The following OTOP1 variants were observed in gnomAD, a reference collection of about 807,000 sequenced individuals.
The protein encoded by OTOP1 is proton channel OTOP1.
In OTOP1, 59 loss-of-function variants were observed where a neutral mutation model predicts 52.9. The observed-to-expected ratio is 1.12, with a 90% CI of 0.91 to 1.39. The LOEUF is 1.39. Among genes scored for constraint, OTOP1 ranks in the 40% most tolerant of loss-of-function variants. The pLI is 0.00. For synonymous variants in OTOP1, 317 were observed against 337.7 expected (o/e 0.94, Z 0.67); for missense variants, 761 against 800.9 (o/e 0.95, Z 0.60).
At chr4:4,200,238 G>C (rs1422006587) in intron 4 of OTOP1, among the ~76,000 whole-genome samples, 1 of 152,142 alleles carries the variant, frequency 6.6e-6, no homozygotes, top group Non-Finnish European at 1.5e-5. Context: ...GCTCACGCCT[G>C]TAATCCCAGC....
At chr4:4,214,574 G>A (rs1219461260) in intron 1 of OTOP1, among the ~76,000 whole-genome samples, 1 of 152,160 alleles carries the variant, frequency 6.6e-6, no homozygotes, top group Non-Finnish European at 1.5e-5. Context: ...CAGATGGATA[G>A]GTAAACACAA....
At chr4:4,203,295 T>C (rs929129146) in intron 3 of OTOP1, among the ~76,000 whole-genome samples, 2 of 152,260 alleles carry the variant, frequency 1.3e-5, no homozygotes, top group Non-Finnish European at 2.9e-5. Flanking sequence ...GACAGCCAGC[T>C]TGGGCTACAG....
At chr4:4,224,371 G>C (rs1217659310) in intron 1 of OTOP1, among the ~76,000 whole-genome samples, 1 of 150,278 alleles carries the variant, frequency 6.7e-6, no homozygotes, top group African/African-American at 2.5e-5. Context: ...AAGAAGGAAA[G>C]GCAGAGAGGA....
chr4:4,197,160 GA>G lies in OTOP1; in HGVS notation c.1668+5del. On this transcript the variant is annotated splice_donor_5th_base_variant and intron_variant, in intron 5 of 5. Transcript: ENST00000296358. Reference sequence around the variant, plus strand: ...AAAAGAATAAGAATAACTTGGTGCAGATTACCGAAATATTGCAGAGGAACAA... The same window carrying G: ...AAAAGAATAAGAATAACTTGGTGCAGTTACCGAAATATTGCAGAGGAACAA... 1 of 1,594,372 alleles carries G rather than the reference GA, an allele frequency of 6.3e-7. No individual in the cohort carries two copies. Among genetic ancestry groups the G allele is most frequent in the Non-Finnish European group, 8.6e-7 (1 of 1,168,836 alleles).
intron 3 of OTOP1, among the ~76,000 whole-genome samples, chr4:4,205,093 G>A (rs1716870550): frequency 1.3e-5 from 2 of 151,974 alleles, no homozygotes; most frequent in African/African-American, 4.8e-5. Context: ...TTTCTTACAC[G>A]GTAACAACAC....
rs372743072 is a variant in OTOP1 at position 4,194,509 on chromosome 4, G to A, written c.1668+2657C>T. 3.4e-3 allele frequency among the ~76,000 whole-genome samples: 516 copies of A among 152,338 alleles called. 5 individuals are homozygous for A. Among genetic ancestry groups the A allele is most frequent in the Non-Finnish European group, 3.7e-3 (252 of 68,034 alleles). Reference sequence around the variant, plus strand: ...ACTGCCTAGCAAACTGAAGGAAGCCGGGTGATCCAAGGTTAGAGTGGACCA... The same window carrying A: ...ACTGCCTAGCAAACTGAAGGAAGCCAGGTGATCCAAGGTTAGAGTGGACCA... On this transcript the variant is annotated intron_variant, in intron 5 of 5. Coordinates refer to ENST00000296358, the MANE Select transcript of OTOP1 (RefSeq NM_177998.3).
At chr4:4,193,640 C>T (rs554626585) in intron 5 of OTOP1, among the ~76,000 whole-genome samples, 2 of 152,274 alleles carry the variant, frequency 1.3e-5, no homozygotes, top group East Asian at 3.9e-4. Flanking sequence ...CTTCAATCCC[C>T]CAGAACCCAA....
At chr4:4,207,471 C>CT (rs1372686280) in intron 2 of OTOP1, among the ~76,000 whole-genome samples, 4 of 151,980 alleles carry the variant, frequency 2.6e-5, no homozygotes, top group Non-Finnish European at 5.9e-5. Context: ...AGTTGATTTC[C>CT]TTACAGGTGC....
At chr4:4,201,930 A>T (rs1012027193) in intron 4 of OTOP1, among the ~76,000 whole-genome samples, 1 of 152,204 alleles carries the variant, frequency 6.6e-6, no homozygotes, top group African/African-American at 2.4e-5. Flanking sequence ...TTAACCCAAC[A>T]GGCTTTCAAA....
intron 1 of OTOP1, among the ~76,000 whole-genome samples, chr4:4,213,972 C>T (rs1717081848): frequency 1.3e-5 from 2 of 152,118 alleles, no homozygotes; most frequent in Admixed American, 1.3e-4. Flanking sequence ...TGCCTATAAT[C>T]CCAGCTACTT....
chr4:4,192,336 C>G (rs1347058677), intron 5 of OTOP1, among the ~76,000 whole-genome samples: 4 of 152,136 alleles, frequency 2.6e-5, no homozygotes, highest in Non-Finnish European at 5.9e-5. Flanking sequence ...GAACTTCTGC[C>G]CAAGGCTTCA....
rs143728864 is a variant in OTOP1 at position 4,217,225 on chromosome 4, T to C, written c.404-4221A>G. Among the ~76,000 whole-genome samples, 937 of 152,344 alleles carry C rather than the reference T, an allele frequency of 6.2e-3. 9 individuals are homozygous for C. The highest frequency in any genetic ancestry group is 9.1e-3 in the Non-Finnish European group (619 of 68,034). Reference sequence around the variant, plus strand: ...ATATCTTGGGGACTCCTACTATGCATGAGGCATTGTGTCAAGGGCTCAAAG... The same window carrying C: ...ATATCTTGGGGACTCCTACTATGCACGAGGCATTGTGTCAAGGGCTCAAAG... On this transcript the variant is annotated intron_variant, in intron 1 of 5. Coordinates refer to ENST00000296358, the MANE Select transcript of OTOP1 (RefSeq NM_177998.3).
chr4:4,203,617 C>G (rs1438600614), intron 3 of OTOP1, among the ~76,000 whole-genome samples: 2 of 152,202 alleles, frequency 1.3e-5, no homozygotes, highest in Non-Finnish European at 2.9e-5. Context: ...CCCATAGGGT[C>G]ACTGATTTCT....
In OTOP1 at chr4:4,198,026, G is replaced by T; in HGVS notation, c.808C>A (p.Leu270Ile). Residue 270 changes from leucine (L) to isoleucine (I), a missense_variant, in exon 5 of 6, where the codon CTC becomes ATC. Transcript: ENST00000296358. ...TGATACTCTATGTTGAAGGGGTAGA[G>T]GTAGTAGATCCCGTGGGAGATGGCA... ...CTAISHGIYY[L>I]YPFNIEYQIL... 6.2e-7 allele frequency: 1 copy of T among 1,614,116 alleles called. No homozygotes were observed. The highest frequency in any genetic ancestry group is 8.5e-7 in the Non-Finnish European group (1 of 1,179,976).
chr4:4,220,467 G>C (rs959774956), intron 1 of OTOP1, among the ~76,000 whole-genome samples: 1 of 152,184 alleles, frequency 6.6e-6, no homozygotes, highest in Admixed American at 6.5e-5. Flanking sequence ...GCAGAGGCCA[G>C]CTGCCCATTT....
At chr4:4,217,334 A>T (rs1392308905) in intron 1 of OTOP1, among the ~76,000 whole-genome samples, 1 of 152,252 alleles carries the variant, frequency 6.6e-6, no homozygotes, top group African/African-American at 2.4e-5. Context: ...TATCAGAGAG[A>T]TGAGCTGGCA....
rs1253406185 is a variant in OTOP1, at chr4:4,226,763, C to A, written c.102G>T (p.Ser34=). ...GPAACSPPSS[S]APRSPESPAP... ...CCGGGGATTCCGGGGACCTCGGGGC[C>A]GAGGACGAGGGAGGCGAGCAGGCCG... Residue 34 remains serine (S), a synonymous_variant, in exon 1 of 6, where the codon TCG becomes TCT. Coordinates refer to ENST00000296358, the MANE Select transcript of OTOP1 (RefSeq NM_177998.3). 4 of 1,383,732 alleles carry A rather than the reference C, an allele frequency of 2.9e-6. No individual in the cohort carries two copies. The highest frequency in any genetic ancestry group is 6.1e-5 in the East Asian group (2 of 32,600). The allele number at this position is 1,383,732 out of a possible 1,614,324, so 85.7% of individuals were successfully genotyped here. A position where few individuals can be genotyped will look rare whatever the true frequency, so the allele number is the denominator to read the frequency against.
chr4:4,197,941 C>A lies in OTOP1; in HGVS notation c.893G>T (p.Ser298Ile). The A allele has an allele frequency of 6.2e-7, 1 of 1,614,062 alleles. No homozygotes were observed. The change falls in exon 5 of 6, where the codon AGC becomes ATC. Residue 298 changes from serine (S) to isoleucine (I), a missense_variant. Coordinates refer to ENST00000296358, the MANE Select transcript of OTOP1 (RefSeq NM_177998.3). The stretch of plus-strand genomic sequence containing the variant: ...GAACTGCATCTTCTGGTGCTGATGG[C>A]TGTCAACTTTGCGCCCGATGTTCTT... ...LWKNIGRKVD[S>I]HQHQKMQFKS...
Position 4,202,559 on chromosome 4 carries a change from C to A in OTOP1, c.619G>T (p.Val207Leu). The change falls in exon 4 of 6, where the codon GTG (valine) becomes TTG (leucine). Residue 207 changes from valine (V) to leucine (L), a missense_variant. Val to Leu is a conservative substitution (Grantham distance 32). Coordinates refer to ENST00000296358, the MANE Select transcript of OTOP1 (RefSeq NM_177998.3). ...TLERFGVIHS[V>L]FTNLLLWANG... ...GCCCACAGAAGCAGGTTGGTGAACA[C>A]CGAGTGGATCACTCCAAACCTGAAA... 2 of 1,614,020 alleles carry A rather than the reference C, an allele frequency of 1.2e-6. No homozygotes were observed. The highest frequency in any genetic ancestry group is 1.7e-6 in the Non-Finnish European group (2 of 1,179,942).
Sources: allele counts gnomAD v4.1 joint callset (sites outside exome capture counted in the v4.1 genomes callset), GRCh38; gene constraint gnomAD v4.1.1; transcripts MANE v1.5; gene names NCBI Gene and HGNC (gene_info 2026-07-23, HGNC 2026-07-21).